The following PPP1R16B variants were observed in gnomAD, a reference collection of about 807,000 sequenced individuals.
PPP1R16B encodes the protein protein phosphatase 1 regulatory inhibitor subunit 16B.
In PPP1R16B, 14 loss-of-function variants were observed where a neutral mutation model predicts 61.7. The ratio of observed to expected loss-of-function variants is 0.23; its 90% confidence interval spans 0.15 to 0.35. PPP1R16B has a LOEUF of 0.35. Ranked by LOEUF, PPP1R16B falls within the 10% of genes least tolerant of loss-of-function variation. The pLI is 1.00. For missense variants in PPP1R16B, 547 were observed against 752.5 expected (o/e 0.73, Z 3.19); for synonymous variants, 266 against 305.3 (o/e 0.87, Z 1.34).
At chr20:38,818,898 C>G (rs2084756374) in intron 1 of PPP1R16B, among the ~76,000 whole-genome samples, 1 of 152,044 alleles carries the variant, frequency 6.6e-6, no homozygotes, top group Non-Finnish European at 1.5e-5. Context: ...CCCACCTCAG[C>G]CTCCTGAGTT....
chr20:38,838,064 G>A (rs1238939596), intron 2 of PPP1R16B: 2 of 152,202 alleles, frequency 1.3e-5, no homozygotes, highest in Non-Finnish European at 1.5e-5. Context: ...ACTGGCATCC[G>A]ACTCTTGTCA....
At position 38,910,683 on chromosome 20, in the gene PPP1R16B, A is replaced by G. The variant is rs149116017; in HGVS notation, c.1194+2490A>G. Among the ~76,000 whole-genome samples, 1,077 of 150,576 alleles carry G rather than the reference A, an allele frequency of 7.2e-3. 10 individuals carry two copies. The highest frequency in any genetic ancestry group is 0.02 in the African/African-American group (811 of 40,792). ...TGGGTAGCTGGGACTATAGGCATGC[A>G]CCACCATGCCTGGCTAATTAAAAAA... On this transcript the variant is annotated intron_variant, in intron 10 of 10. Transcript: ENST00000299824.
At chr20:38,901,831 A>G (rs1314024853) in intron 5 of PPP1R16B, among the ~76,000 whole-genome samples, 3 of 152,298 alleles carry the variant, frequency 2.0e-5, no homozygotes, top group Non-Finnish European at 4.4e-5. Context: ...AATTCATTAA[A>G]CAATAAGATA....
chr20:38,910,071 C>T (rs1483366623), intron 10 of PPP1R16B, among the ~76,000 whole-genome samples: 2 of 151,450 alleles, frequency 1.3e-5, no homozygotes, highest in African/African-American at 2.4e-5. Flanking sequence ...CCTGTGCTCC[C>T]GGGTTCAAGC....
At chr20:38,847,632 C>T (rs778993063) in intron 2 of PPP1R16B, among the ~76,000 whole-genome samples, 6 of 152,320 alleles carry the variant, frequency 3.9e-5, no homozygotes, top group African/African-American at 1.4e-4. Flanking sequence ...GCTGGGATTA[C>T]ATGCATGAGC....
At chr20:38,814,936 C>T (rs550905774) in intron 1 of PPP1R16B, among the ~76,000 whole-genome samples, 49 of 152,274 alleles carry the variant, frequency 3.2e-4, no homozygotes, top group South Asian at 2.5e-3. Flanking sequence ...CTATTGCTGT[C>T]GTTGGCTATC....
chr20:38,893,571 A>T (rs1461719256), intron 3 of PPP1R16B, among the ~76,000 whole-genome samples: 1 of 149,762 alleles, frequency 6.7e-6, no homozygotes, highest in Admixed American at 6.6e-5. Context: ...CTGGGAAGGG[A>T]GGAAGTGGGA....
At chr20:38,910,699 A>T (rs1308204325) in intron 10 of PPP1R16B, among the ~76,000 whole-genome samples, 1 of 151,966 alleles carries the variant, frequency 6.6e-6, no homozygotes, top group Non-Finnish European at 1.5e-5. Flanking sequence ...ATGCCTGGCT[A>T]ATTAAAAAAA....
chr20:38,913,768 G>T, intron 10 of PPP1R16B, among the ~76,000 whole-genome samples: 1 of 152,200 alleles, frequency 6.6e-6, no homozygotes, highest in East Asian at 1.9e-4. Context: ...AGGAATGTGT[G>T]TCTGGTGGTC....
At chr20:38,916,230 A>T (rs1445338241) in intron 10 of PPP1R16B, among the ~76,000 whole-genome samples, 1 of 150,976 alleles carries the variant, frequency 6.6e-6, no homozygotes, top group East Asian at 1.9e-4. Flanking sequence ...ATACACACTC[A>T]TAAATGGAAA....
intron 2 of PPP1R16B, among the ~76,000 whole-genome samples, chr20:38,864,954 A>G (rs2085079941): frequency 6.6e-6 from 1 of 152,182 alleles, no homozygotes. Context: ...CTGGCTGGGA[A>G]AACACCATTA....
At chr20:38,805,902 G>C (rs1043692948) in intron 1 of PPP1R16B, 110 bp downstream of exon 1, 2 of 152,352 alleles carry the variant, frequency 1.3e-5, no homozygotes, top group African/African-American at 4.8e-5. Flanking sequence ...CTAGCTGGGG[G>C]CCGGGGCGCT....
intron 2 of PPP1R16B, among the ~76,000 whole-genome samples, chr20:38,855,978 A>AG (rs1555804346): frequency 3.4e-5 from 1 of 29,750 alleles, no homozygotes; most frequent in Non-Finnish European, 5.5e-5. Flanking sequence ...AGAGAGAGAG[A>AG]GAGAAGGAGG....
chr20:38,848,435 T>A (rs2084948455), intron 2 of PPP1R16B, among the ~76,000 whole-genome samples: 1 of 152,232 alleles, frequency 6.6e-6, no homozygotes. Context: ...CTCTCCAACC[T>A]GTCTATTCTG....
chr20:38,810,047 A>T lies in PPP1R16B; in HGVS notation c.-102+4255A>T, dbSNP rs1424445097. 3.3e-5 allele frequency among the ~76,000 whole-genome samples: 5 copies of T among 151,646 alleles called. No individual in the cohort carries two copies. The East Asian group carries it at 7.8e-4, about 24-fold the overall frequency. ...TAAAAACCCAGCTTGGGCTTTCTAGATATTAATAAGTGCTCACAGATGTTC... is the reference window on the plus strand; with the variant it reads ...TAAAAACCCAGCTTGGGCTTTCTAGTTATTAATAAGTGCTCACAGATGTTC... On this transcript the variant is annotated intron_variant, in intron 1 of 10. Transcript: ENST00000299824.
chr20:38,895,887 TTCC>T (rs1568678940), intron 4 of PPP1R16B, among the ~76,000 whole-genome samples, 177 bp downstream of exon 4: 1,104 of 98,442 alleles, frequency 0.011, 125 homozygotes, highest in East Asian at 0.026. Flanking sequence ...TCCTTCTTTC[TTCC>T]CTCCCTCCCT....
At chr20:38,836,781 C>T (rs535015736) in intron 2 of PPP1R16B, among the ~76,000 whole-genome samples, 51 of 152,368 alleles carry the variant, frequency 3.3e-4, no homozygotes, top group African/African-American at 9.6e-4. Context: ...CCTCGTGCCT[C>T]AGCCTCCCAA....
intron 1 of PPP1R16B, among the ~76,000 whole-genome samples, chr20:38,827,820 G>T (rs1458631105): frequency 6.6e-6 from 1 of 152,148 alleles, no homozygotes; most frequent in East Asian, 1.9e-4. Flanking sequence ...ATTATTCAAA[G>T]AAGTGTGTTG....
chr20:38,835,976 G>A lies in PPP1R16B; in HGVS notation c.51G>A (p.Val17=). Reference sequence around the variant, plus strand: ...CGGAGCTGCAGCTGCTGGAGAAGGTGCCCACGCTGGAGCGGCTGCGGGCTG... The same window carrying A: ...CGGAGCTGCAGCTGCTGGAGAAGGTACCCACGCTGGAGCGGCTGCGGGCTG... ...LLTELQLLEK[V]PTLERLRAAQ... The change falls in exon 2 of 11, where the codon GTG becomes GTA. Residue 17 remains valine, a synonymous_variant. Coordinates refer to ENST00000299824, the MANE Select transcript of PPP1R16B (RefSeq NM_015568.4). 6.4e-7 allele frequency: 1 copy of A among 1,551,112 alleles called. No individual in the cohort carries two copies. Among genetic ancestry groups the A allele is most frequent in the South Asian group, 1.2e-5 (1 of 84,426 alleles).
Sources: allele counts gnomAD v4.1 joint callset (sites outside exome capture counted in the v4.1 genomes callset), GRCh38; gene constraint gnomAD v4.1.1; transcripts MANE v1.5; gene names NCBI Gene and HGNC (gene_info 2026-07-23, HGNC 2026-07-21).